TRDN: variants seen among roughly 807,000 people sequenced by gnomAD.
The protein encoded by TRDN is triadin in skeletal muscle.
In TRDN, 161 loss-of-function variants were observed where a neutral mutation model predicts 149.7. The ratio of observed to expected loss-of-function variants is 1.08; its 90% CI spans 0.95 to 1.23. The LOEUF (loss-of-function observed/expected upper bound fraction) is 1.23, where lower values mean the gene tolerates loss of function less well. Among genes scored for constraint, TRDN ranks in the 50% most tolerant of loss-of-function variants. The probability of loss-of-function intolerance (pLI) is 0.00; values close to 1 mark genes in which losing one functional copy is unlikely to be tolerated. For synonymous variants in TRDN, 294 were observed against 250.5 expected (o/e 1.17, Z -1.64); for missense variants, 896 against 823.5 (o/e 1.09, Z -1.08).
intron 1 of TRDN, among the ~76,000 whole-genome samples, chr6:123,625,626 G>A (rs980973769): frequency 1.3e-5 from 2 of 152,156 alleles, no homozygotes; most frequent in South Asian, 4.1e-4. Context: ...ACAAAGAAAG[G>A]ATAAATGCTT....
rs532762868 is a variant in TRDN at position 123,320,159 on chromosome 6, G to A, written c.1472-3664C>T. ...TCTCAATTTATTTTGTTATTATCAC[G>A]GTTGTTTCTTTAGCACATAGATATC... On this transcript the variant is annotated intron_variant, in intron 23 of 40. Coordinates refer to ENST00000334268, the MANE Select transcript of TRDN (RefSeq NM_006073.4). Among the ~76,000 whole-genome samples, 18 of 151,450 alleles carry A rather than the reference G, an allele frequency of 1.2e-4. No homozygotes were observed. The East Asian group carries it at 1.7e-3, about 15-fold the overall frequency.
chr6:123,399,223 T>A (rs1562294937), intron 12 of TRDN, among the ~76,000 whole-genome samples: 1 of 152,168 alleles, frequency 6.6e-6, no homozygotes, highest in Non-Finnish European at 1.5e-5. Flanking sequence ...AATCAGCTTT[T>A]TCCAAAAATT....
chr6:123,395,387 G>A lies in TRDN; in HGVS notation c.1052-1710C>T, dbSNP rs574641949. 2.6e-5 allele frequency among the ~76,000 whole-genome samples: 4 copies of A among 152,124 alleles called. No individual in the cohort carries two copies. The South Asian group carries it at 8.3e-4, about 32-fold the overall frequency. ...TCTGTCAGCTGCTTTCTCCCTCAGC[G>A]GTCAGGTTCAGAAACATGCCCCTGA... On this transcript the variant is annotated intron_variant, in intron 12 of 40. Transcript: ENST00000334268.
At chr6:123,468,681 C>T (rs930589140) in intron 9 of TRDN, 39 of 152,296 alleles carry the variant, frequency 2.6e-4, no homozygotes, top group Admixed American at 2.3e-3. Flanking sequence ...GAAGTTTAAT[C>T]TATCTAGTTT....
intron 1 of TRDN, among the ~76,000 whole-genome samples, chr6:123,629,993 C>T (rs1313827739): frequency 6.6e-6 from 1 of 151,934 alleles, no homozygotes; most frequent in Non-Finnish European, 1.5e-5. Flanking sequence ...CTGTAAAAAA[C>T]CAAGCCTGTC....
intron 24 of TRDN, among the ~76,000 whole-genome samples, chr6:123,298,412 T>G (rs1161586946): frequency 1.3e-5 from 2 of 152,080 alleles, no homozygotes; most frequent in African/African-American, 4.8e-5. Context: ...ACTCTTCATC[T>G]TTCTCTGGAA....
chr6:123,549,550 A>G (rs900082263), intron 2 of TRDN, among the ~76,000 whole-genome samples: 36 of 152,102 alleles, frequency 2.4e-4, no homozygotes, highest in Non-Finnish European at 1.2e-4. Context: ...GATGAGAATT[A>G]TATCAATGTA....
chr6:123,410,831 AGT>A (rs550908063), intron 12 of TRDN, among the ~76,000 whole-genome samples: 176 of 152,082 alleles, frequency 1.2e-3, no homozygotes, highest in Non-Finnish European at 2.2e-3. Context: ...TCTGTCCCTT[AGT>A]GTGTTAATAT....
intron 1 of TRDN, among the ~76,000 whole-genome samples, chr6:123,599,083 C>T (rs9490829): frequency 0.057 from 8,672 of 152,064 alleles, 800 homozygotes; most frequent in African/African-American, 0.2. Flanking sequence ...AGCAATATGT[C>T]AGGCACAATA....
chr6:123,414,619 T>C (rs1415492603), intron 12 of TRDN, among the ~76,000 whole-genome samples: 1 of 152,084 alleles, frequency 6.6e-6, no homozygotes. Flanking sequence ...AATCAAGAAC[T>C]TGGAAGCAGG....
At chr6:123,333,302 T>G (rs1054394909) in intron 22 of TRDN, among the ~76,000 whole-genome samples, 1 of 151,908 alleles carries the variant, frequency 6.6e-6, no homozygotes, top group African/African-American at 2.4e-5. Context: ...AGTGTGTATG[T>G]TTGTGTGAGG....
chr6:123,245,655 A>G (rs1031919005), intron 38 of TRDN, among the ~76,000 whole-genome samples: 1 of 152,148 alleles, frequency 6.6e-6, no homozygotes, highest in Non-Finnish European at 1.5e-5. Flanking sequence ...AAACTTTAAC[A>G]TCCCACTTTC....
At chr6:123,610,954 T>C (rs1183460446) in intron 1 of TRDN, among the ~76,000 whole-genome samples, 2 of 152,174 alleles carry the variant, frequency 1.3e-5, no homozygotes, top group African/African-American at 4.8e-5. Flanking sequence ...CCCAGACTCC[T>C]GACACAGAGA....
intron 24 of TRDN, among the ~76,000 whole-genome samples, chr6:123,316,133 T>G (rs547093017): frequency 1.3e-5 from 2 of 151,958 alleles, no homozygotes; most frequent in South Asian, 4.2e-4. Flanking sequence ...CTCTGACATT[T>G]AAGGTGCCCT....
rs111647035 is a variant in TRDN at position 123,359,810 on chromosome 6, C to T, written c.1321+6325G>A. On this transcript the variant is annotated intron_variant, in intron 20 of 40. Transcript: ENST00000334268. Reference sequence around the variant, plus strand: ...TCCTGGGTTCACGCCATTCTCCTGCCTCAGCCTCCCGAGTAGCTGGGATTA... The same window carrying T: ...TCCTGGGTTCACGCCATTCTCCTGCTTCAGCCTCCCGAGTAGCTGGGATTA... 3.9e-3 allele frequency among the ~76,000 whole-genome samples: 597 copies of T among 152,198 alleles called. 5 individuals are homozygous for T. The highest frequency in any genetic ancestry group is 0.013 in the African/African-American group (545 of 41,540).
At chr6:123,458,860 AT>A (rs1397143511) in intron 10 of TRDN, among the ~76,000 whole-genome samples, 1 of 146,254 alleles carries the variant, frequency 6.8e-6, no homozygotes, top group Non-Finnish European at 1.5e-5. Flanking sequence ...TATTTCTGTG[AT>A]TAAAAAAAAA....
At chr6:123,302,331 T>C (rs1431523420) in intron 24 of TRDN, among the ~76,000 whole-genome samples, 1 of 152,132 alleles carries the variant, frequency 6.6e-6, no homozygotes, top group East Asian at 1.9e-4. Flanking sequence ...ACCCTTGATA[T>C]ACATGTTCTT....
chr6:123,467,027 A>ATATAAAGT (rs971132835), intron 9 of TRDN, among the ~76,000 whole-genome samples: 2 of 152,116 alleles, frequency 1.3e-5, no homozygotes, highest in African/African-American at 2.4e-5. Flanking sequence ...TCTGAAGGAA[A>ATATAAAGT]TATAAAGTTA....
At position 123,503,239 on chromosome 6, in the gene TRDN, A is replaced by C. The variant is rs996106901; in HGVS notation, c.793+480T>G. The C allele has an allele frequency of 1.0e-5, 10 of 984,782 alleles. No individual in the cohort carries two copies. The African/African-American group carries it at 1.7e-4, about 17-fold the overall frequency. 61.0% of individuals were successfully genotyped at this position (984,782 alleles called of 1,614,324 possible). A position where few individuals can be genotyped will look rare whatever the true frequency, so the allele number is the denominator to read the frequency against. On this transcript the variant is annotated intron_variant, in intron 8 of 40. Transcript: ENST00000334268. ...AATTTAATAATTGGATGTATATTCT[A>C]AATGATGTGCTCTTGCCAATGCAAC...
Sources: gnomAD v4.1 joint callset for allele counts (sites outside exome capture counted in the v4.1 genomes callset) on GRCh38, gnomAD v4.1.1 for gene constraint, MANE v1.5 for transcripts, NCBI Gene and HGNC (gene_info 2026-07-23, HGNC 2026-07-21) for gene names.